Variants in NPHS1 observed in about 807,000 individuals in gnomAD.
The protein encoded by NPHS1 is NPHS1 adhesion molecule, nephrin.
NPHS1 carries 107 observed loss-of-function variants against 139.7 expected under a neutral mutation model. That is an observed-to-expected ratio of 0.77 (90% CI 0.66 to 0.90). The LOEUF (loss-of-function observed/expected upper bound fraction) is 0.90. Among genes scored for constraint, NPHS1 ranks in the 40% least tolerant of loss-of-function variants. The probability of loss-of-function intolerance (pLI) is 0.00; values close to 1 mark genes in which losing one functional copy is unlikely to be tolerated. For missense variants in NPHS1, 1,580 were observed against 1,654.2 expected, an observed-to-expected ratio of 0.96 and a Z score of 0.78; for synonymous variants, 707 against 706.6, an observed-to-expected ratio of 1.00 and a Z score of -0.01.
intron 17 of NPHS1, 128 bp downstream of exon 17, chr19:35,843,344 C>T: frequency 8.5e-7 from 1 of 1,183,120 alleles, no homozygotes; most frequent in Non-Finnish European, 1.2e-6. Context: ...ATTCTGGGAG[C>T]ATGCCCTGGC....
intron 3 of NPHS1, 22 bp from the exon 4 acceptor site, chr19:35,851,111 G>A: frequency 5.6e-6 from 9 of 1,614,114 alleles, no homozygotes; most frequent in East Asian, 2.2e-5. Flanking sequence ...AGGGTCTGGG[G>A]TAAGCTTCCA....
At position 35,835,760 on chromosome 19, in the gene NPHS1, A is replaced by C. The variant is rs765621356; in HGVS notation, c.3111T>G (p.Gly1037=). ...CAGGTTCTCCAGAAGGCTGGTGGAG[A>C]CCTGGGGGGTGGATATACAGATTGT... The part of the protein sequence containing the change: ...KGTQLPITTP[G]LHQPSGEPED... The change falls in exon 23 of 29, where the codon GGT becomes GGG. Residue 1037 remains glycine, a splice_region_variant and synonymous_variant. Coordinates refer to ENST00000378910, the MANE Select transcript of NPHS1 (RefSeq NM_004646.4). The C allele has an allele frequency of 1.9e-6, 3 of 1,613,264 alleles. No homozygotes were observed. Among genetic ancestry groups the C allele is most frequent in the Non-Finnish European group, 2.5e-6 (3 of 1,179,666 alleles).
rs1163211584 is a variant in NPHS1, at chr19:35,844,478, A to C, written c.1931-19T>G. Reference sequence around the variant, plus strand: ...GGACGGTCTTCAGAGGGGGCGCCGCAGGGAGTCAAGATTGTTGTTAAGGTT... The same window carrying C: ...GGACGGTCTTCAGAGGGGGCGCCGCCGGGAGTCAAGATTGTTGTTAAGGTT... On this transcript the variant is annotated intron_variant, in intron 14 of 28. Coordinates refer to ENST00000378910, the MANE Select transcript of NPHS1 (RefSeq NM_004646.4). 1.3e-6 allele frequency: 2 copies of C among 1,551,416 alleles called. No homozygotes were observed. Among genetic ancestry groups the C allele is most frequent in the South Asian group, 2.4e-5 (2 of 84,878 alleles).
chr19:35,841,782 G>C lies in NPHS1; in HGVS notation c.2748C>G (p.Ala916=). 1 of 1,614,168 alleles carries C rather than the reference G, an allele frequency of 6.2e-7. No homozygotes were observed. The highest frequency in any genetic ancestry group is 8.5e-7 in the Non-Finnish European group (1 of 1,180,036). ...IANVSAAQDY[A]LFTCTATNAL... ...CGTTGGTGGCTGTACATGTGAAGAG[G>C]GCGTAATCCTGGGCGGCAGACACGT... The change falls in exon 20 of 29, where the codon GCC becomes GCG. Residue 916 remains alanine (A), a synonymous_variant. Coordinates refer to ENST00000378910, the MANE Select transcript of NPHS1 (RefSeq NM_004646.4).
chr19:35,848,647 G>A lies in NPHS1; in HGVS notation c.1160C>T (p.Thr387Ile), dbSNP rs768103268. 8 of 1,613,668 alleles carry A rather than the reference G, an allele frequency of 5.0e-6. No individual in the cohort carries two copies. Among genetic ancestry groups the A allele is most frequent in the Admixed American group, 1.7e-5 (1 of 60,006 alleles). The stretch of plus-strand genomic sequence containing the variant: ...TGGCCCCCGCCTCACATCCATGACT[G>A]TCTCCTCCATGGGCAGCAGCTGCCG... Reference protein sequence around the residue: ...GWRQLLPMEETVMDGLHGGHI... With the variant: ...GWRQLLPMEEIVMDGLHGGHI... Residue 387 changes from threonine to isoleucine, a missense_variant, in exon 9 of 29, where the codon ACA becomes ATA. Coordinates refer to ENST00000378910, the MANE Select transcript of NPHS1 (RefSeq NM_004646.4).
At chr19:35,847,683 T>C (rs1973165104) in intron 11 of NPHS1, among the ~76,000 whole-genome samples, 1 of 151,882 alleles carries the variant, frequency 6.6e-6, no homozygotes, top group African/African-American at 2.4e-5. Flanking sequence ...TTTTTTTTTT[T>C]TTCTGGGATT....
At chr19:35,828,994 G>T (rs1289542750) in intron 28 of NPHS1, among the ~76,000 whole-genome samples, 2 of 152,246 alleles carry the variant, frequency 1.3e-5, no homozygotes, top group African/African-American at 4.8e-5. Context: ...AGGCCACACA[G>T]GAAATCAGGG....
rs144206206 is a variant in NPHS1, at chr19:35,825,905, C to T, written c.*609G>A. 6.4e-4 allele frequency: 97 copies of T among 152,368 alleles called. No individual in the cohort carries two copies. Among genetic ancestry groups the T allele is most frequent in the African/African-American group, 2.3e-3 (95 of 41,554 alleles). 9.4% of individuals were successfully genotyped at this position (152,368 alleles called of 1,614,324 possible). A position where few individuals can be genotyped will look rare whatever the true frequency, so the allele number is the denominator to read the frequency against. ...CTTCTGAAAACTTTACTTCATGAAG[C>T]ACTTAGGGACCCTCAGAATAGCATT... On this transcript the variant is annotated 3_prime_UTR_variant, in exon 29 of 29. Coordinates refer to ENST00000378910, the MANE Select transcript of NPHS1 (RefSeq NM_004646.4).
At position 35,832,454 on chromosome 19, in the gene NPHS1, G is replaced by A. The variant is rs547000693; in HGVS notation, c.3167-692C>T. On this transcript the variant is annotated intron_variant, in intron 23 of 28. Transcript: ENST00000378910. ...AGCTACTCGGGACACTGAAGCAAGA[G>A]GATTGCTTGAACCTGGTAAGTCAAG... Among the ~76,000 whole-genome samples, 52 of 152,126 alleles carry A rather than the reference G, an allele frequency of 3.4e-4. No individual in the cohort carries two copies. The South Asian group carries it at 7.9e-3, about 23-fold the overall frequency.
At chr19:35,831,558 C>T in intron 24 of NPHS1, 58 bp from the exon 25 acceptor site, 1 of 1,613,268 alleles carries the variant, frequency 6.2e-7, no homozygotes, top group Non-Finnish European at 8.5e-7. Context: ...CACCCCGGCC[C>T]CAGGAAGACC....
chr19:35,831,803 G>T, intron 23 of NPHS1, 41 bp from the exon 24 acceptor site: 1 of 1,547,546 alleles, frequency 6.5e-7, no homozygotes, highest in Non-Finnish European at 8.7e-7. Context: ...CCAGACAACA[G>T]GCTGTAGGCC....
At position 35,830,889 on chromosome 19, in the gene NPHS1, G is replaced by GT. The variant is rs756436580; in HGVS notation, c.3548dup (p.Tyr1183Ter). 99 of 1,613,776 alleles carry GT rather than the reference G, an allele frequency of 6.1e-5. No individual in the cohort carries two copies. Among genetic ancestry groups the GT allele is most frequent in the Non-Finnish European group, 7.9e-5 (93 of 1,179,774 alleles). ...GHLYDEVERT[Y>*]PPSGAWGPLY... Reference sequence around the variant, plus strand: ...GGGGTCCCCAGGCTCCAGACGGGGGGTACGTTCTTTCTACCTCATCATACA... The same window carrying GT: ...GGGGTCCCCAGGCTCCAGACGGGGGGTTACGTTCTTTCTACCTCATCATACA... The change falls in exon 28 of 29, where the codon TAC becomes TAAC. Residue 1183 changes from tyrosine to a stop codon, truncating the protein, a stop_gained and frameshift_variant. Coordinates refer to ENST00000378910, the MANE Select transcript of NPHS1 (RefSeq NM_004646.4). LOFTEE classifies it low-confidence loss of function (END_TRUNC).
chr19:35,842,152 C>T lies in NPHS1; in HGVS notation c.2635G>A (p.Gly879Arg), dbSNP rs201505524. Residue 879 changes from glycine (G) to arginine (R), a missense_variant, in exon 19 of 29, where the codon GGG (glycine) becomes AGG (arginine). Transcript: ENST00000378910. Reference protein sequence around the residue: ...PNIVFTWTKNGVPLDLQDPRY... With the variant: ...PNIVFTWTKNRVPLDLQDPRY... Reference sequence around the variant, plus strand: ...GGATCTTGGAGATCCAGAGGGACCCCGTTTTTTGTCCAAGTGAAAACGATG... The same window carrying T: ...GGATCTTGGAGATCCAGAGGGACCCTGTTTTTTGTCCAAGTGAAAACGATG... 19 of 1,607,440 alleles carry T rather than the reference C, an allele frequency of 1.2e-5. No individual in the cohort carries two copies. Among genetic ancestry groups the T allele is most frequent in the Middle Eastern group, 1.7e-4 (1 of 6,020 alleles).
At position 35,845,367 on chromosome 19, in the gene NPHS1, C is replaced by T; in HGVS notation, c.1930+1G>A. ...AGGGGCTTTCAGGCCGGGGCACATA[C>T]ACAGTACGTTGAGGCGATAGAAGGA... is the stretch of plus-strand genomic sequence containing the variant. On this transcript the variant is annotated splice_donor_variant, in intron 14 of 28. Transcript: ENST00000378910. LOFTEE classifies it high-confidence loss of function. The surrounding 1 kb of genome is among the most constrained non-coding windows in gnomAD (Gnocchi z 5.5). The T allele has an allele frequency of 6.2e-7, 1 of 1,614,244 alleles. No individual in the cohort carries two copies. The highest frequency in any genetic ancestry group is 8.5e-7 in the Non-Finnish European group (1 of 1,180,050).
intron 22 of NPHS1, among the ~76,000 whole-genome samples, chr19:35,837,938 TAAAAAAA>T (rs1200757977): frequency 5.0e-5 from 5 of 99,420 alleles, no homozygotes; most frequent in Non-Finnish European, 9.7e-5. Context: ...GTTATTCTCT[TAAAAAAA>T]AAAAAAAAAA....
intron 17 of NPHS1, 55 bp downstream of exon 17, chr19:35,843,417 C>A: frequency 1.2e-6 from 2 of 1,610,920 alleles, no homozygotes; most frequent in South Asian, 2.2e-5. Flanking sequence ...AACTCACAGT[C>A]AAGAAACCAC....
At chr19:35,849,507 C>A in intron 6 of NPHS1, 43 bp downstream of exon 6, 1 of 1,596,142 alleles carries the variant, frequency 6.3e-7, no homozygotes, top group Non-Finnish European at 8.6e-7. Context: ...CCAGTGCCTG[C>A]TCCCCATCCT....
At chr19:35,850,651 C>G (rs552739348) in intron 4 of NPHS1, among the ~76,000 whole-genome samples, 21 of 152,200 alleles carry the variant, frequency 1.4e-4, no homozygotes, top group African/African-American at 4.8e-4. Context: ...TGGGCCTCCC[C>G]GCTCTTCTCA....
At chr19:35,826,682 A>T in intron 28 of NPHS1, 37 bp from the exon 29 acceptor site, 1 of 1,613,208 alleles carries the variant, frequency 6.2e-7, no homozygotes, top group East Asian at 2.2e-5. Context: ...CCATGGAGAG[A>T]TGCCCTGTAG....
Sources: gnomAD v4.1 joint callset for allele counts (sites outside exome capture counted in the v4.1 genomes callset) on GRCh38, gnomAD v4.1.1 for gene constraint, Gnocchi (gnomAD v3.1) non-coding constraint, MANE v1.5 for transcripts, NCBI Gene and HGNC (gene_info 2026-07-23, HGNC 2026-07-21) for gene names.